RBSN: variants seen among roughly 807,000 people sequenced by gnomAD.
RBSN encodes rabenosyn-5.
A neutral mutation model predicts 60.5 loss-of-function variants in RBSN; 34 were observed. The observed-to-expected ratio is 0.56, with a 90% confidence interval of 0.43 to 0.75. The LOEUF is 0.75. Among genes scored for constraint, RBSN ranks in the 30% least tolerant of loss-of-function variants. The probability of loss-of-function intolerance (pLI) is 0.00; values close to 1 mark genes in which losing one functional copy is unlikely to be tolerated. For missense variants in RBSN, 845 were observed against 986.8 expected (o/e 0.86, Z 1.92); for synonymous variants, 322 against 366.9 (o/e 0.88, Z 1.40).
intron 12 of RBSN, among the ~76,000 whole-genome samples, chr3:15,076,163 A>C (rs1251389951): frequency 6.6e-6 from 1 of 152,152 alleles, no homozygotes; most frequent in Non-Finnish European, 1.5e-5. Context: ...TCACTATAGG[A>C]CATCCAGCAC....
At position 15,084,579 on chromosome 3, in the gene RBSN, T is replaced by C. The variant is rs618141; in HGVS notation, c.598+156A>G. ...CCCTGGCCCCTAGCATAGTACCTAG[T>C]CTGTAGTGGGTTTCACAGAAACAGC... On this transcript the variant is annotated intron_variant, in intron 8 of 13. Coordinates refer to ENST00000253699, the MANE Select transcript of RBSN (RefSeq NM_022340.4). This position sits in a 1 kb window ranked among gnomAD's most constrained non-coding sequence, Gnocchi z 4.2. 1 allele frequency among the ~76,000 whole-genome samples: 151,863 copies of C among 152,352 alleles called. 75,688 individuals carry two copies. The highest frequency in any genetic ancestry group is 1 in the East Asian group (5,194 of 5,194).
At position 15,096,202 on chromosome 3, in the gene RBSN, C is replaced by T. The variant is rs1404241565; in HGVS notation, c.-82G>A. 5 of 1,445,096 alleles carry T rather than the reference C, an allele frequency of 3.5e-6. No homozygotes were observed. The highest frequency in any genetic ancestry group is 2.8e-6 in the Non-Finnish European group (3 of 1,087,266). 89.5% of individuals were successfully genotyped at this position (1,445,096 alleles called of 1,614,324 possible). ...ATTCCTCCCAAGGAACCATGGTTCC[C>T]GCAGCATTAGCTTAAGCAGCACACA... On this transcript the variant is annotated 5_prime_UTR_variant, in exon 4 of 14. Transcript: ENST00000253699.
intron 6 of RBSN, among the ~76,000 whole-genome samples, chr3:15,085,395 G>A (rs749981427): frequency 6.6e-6 from 1 of 152,102 alleles, no homozygotes; most frequent in Non-Finnish European, 1.5e-5. Context: ...ACATATTTCT[G>A]CCTTACAAAG....
rs754689523 is a variant in RBSN at position 15,073,655 on chromosome 3, T to C, written c.*127A>G. 147 of 978,946 alleles carry C rather than the reference T, an allele frequency of 1.5e-4. No homozygotes were observed. Among genetic ancestry groups the C allele is most frequent in the Non-Finnish European group, 2.1e-4 (139 of 670,898 alleles). The allele number at this position is 978,946 out of a possible 1,614,324, so 60.6% of individuals were successfully genotyped here. On this transcript the variant is annotated 3_prime_UTR_variant, in exon 14 of 14. Coordinates refer to ENST00000253699, the MANE Select transcript of RBSN (RefSeq NM_022340.4). ...TGCGCAACACAAAACAGCAGATTCCTGCCCCTCACCTGTGTGCATCTGAGT... is the reference window on the plus strand; with the variant it reads ...TGCGCAACACAAAACAGCAGATTCCCGCCCCTCACCTGTGTGCATCTGAGT...
Position 15,082,507 on chromosome 3 carries a change from T to A in RBSN, c.700A>T (p.Met234Leu). The part of the protein sequence containing the change: ...HGSRRGSISS[M>L]SSVSSVLDEK... ...TCCAGGACCGAGCTGACACTGCTCA[T>A]GCTGCTGATGCTGCCTCGGCGGGAG... The change falls in exon 9 of 14, where the codon ATG (methionine) becomes TTG (leucine). Residue 234 changes from methionine to leucine, a missense_variant. Transcript: ENST00000253699. This position sits in a 1 kb window ranked among gnomAD's most constrained non-coding sequence, Gnocchi z 4.2. 1 of 1,614,186 alleles carries A rather than the reference T, an allele frequency of 6.2e-7. No individual in the cohort carries two copies. Among genetic ancestry groups the A allele is most frequent in the South Asian group, 1.1e-5 (1 of 91,086 alleles).
rs267599646 is a variant in RBSN at position 15,073,908 on chromosome 3, G to A, written c.2229C>T (p.Ile743=). ...PIEEELLLQQ[I]DNIKAYIFDA... The stretch of plus-strand genomic sequence containing the variant: ...CAAAGATGTATGCCTTGATGTTATC[G>A]ATCTGCTGCAGGAGGAGCTCTTCCT... The change falls in exon 14 of 14, where the codon ATC becomes ATT. Residue 743 remains isoleucine, a synonymous_variant. Transcript: ENST00000253699. The A allele has an allele frequency of 6.8e-6, 11 of 1,613,948 alleles. No homozygotes were observed. The highest frequency in any genetic ancestry group is 5.3e-5 in the African/African-American group (4 of 74,874).
At chr3:15,087,070 G>A (rs909177365) in intron 5 of RBSN, among the ~76,000 whole-genome samples, 11 of 152,212 alleles carry the variant, frequency 7.2e-5, no homozygotes, top group African/African-American at 9.6e-5. Flanking sequence ...TATATTCACC[G>A]TGTACAACAT....
chr3:15,090,323 C>T, intron 5 of RBSN, 76 bp downstream of exon 5: 2 of 1,533,752 alleles, frequency 1.3e-6, no homozygotes, highest in South Asian at 1.2e-5. Flanking sequence ...CCTCCTCAGC[C>T]AACTCTTAAA....
rs1683803889 is a variant in RBSN at position 15,084,701 on chromosome 3, T to C, written c.598+34A>G. ...CAAATAAGCTAGGCCCAAAAGAAGA[T>C]GAGGGTCCAGGGCCCCACCTCCAAG... is the stretch of plus-strand genomic sequence containing the variant. On this transcript the variant is annotated intron_variant, in intron 8 of 13. Coordinates refer to ENST00000253699, the MANE Select transcript of RBSN (RefSeq NM_022340.4). The surrounding 1 kb of genome is among the most constrained non-coding windows in gnomAD (Gnocchi z 4.2). The C allele has an allele frequency of 6.5e-7, 1 of 1,539,416 alleles. No individual in the cohort carries two copies. The highest frequency in any genetic ancestry group is 2.3e-5 in the East Asian group (1 of 44,036).
intron 10 of RBSN, among the ~76,000 whole-genome samples, chr3:15,078,896 A>G (rs2043135611): frequency 6.7e-6 from 1 of 148,488 alleles, no homozygotes; most frequent in African/African-American, 2.5e-5. Context: ...TACTACATGC[A>G]TCGCTTTAAA....
In RBSN at chr3:15,083,966, G is replaced by A. The variant is rs569442345; in HGVS notation, c.598+769C>T. ...ATTTATTTGTGAGTTTATATCCCCTGATAGATGCTAGACTCCTTGGAAGAA... is the reference window on the plus strand; with the variant it reads ...ATTTATTTGTGAGTTTATATCCCCTAATAGATGCTAGACTCCTTGGAAGAA... On this transcript the variant is annotated intron_variant, in intron 8 of 13. Coordinates refer to ENST00000253699, the MANE Select transcript of RBSN (RefSeq NM_022340.4). 3.9e-5 allele frequency among the ~76,000 whole-genome samples: 6 copies of A among 152,246 alleles called. No individual in the cohort carries two copies. The South Asian group carries it at 1.2e-3, about 32-fold the overall frequency.
rs139763697 is a variant in RBSN at position 15,088,659 on chromosome 3, C to T, written c.289+1740G>A. Among the ~76,000 whole-genome samples, 110 of 152,210 alleles carry T rather than the reference C, an allele frequency of 7.2e-4. 2 individuals are homozygous for T. In the East Asian group the frequency reaches 0.019, roughly 27 times the overall value. ...CCTCCCAAAGTGCTGGGATTACAGG[C>T]GTGAGCCACTGCGCCCGGCTGTATA... On this transcript the variant is annotated intron_variant, in intron 5 of 13. Transcript: ENST00000253699.
intron 13 of RBSN, chr3:15,075,138 T>C (rs947513571): frequency 6.4e-6 from 4 of 628,752 alleles, no homozygotes; most frequent in Non-Finnish European, 1.1e-5. Context: ...AAATAAAATA[T>C]AATGAATAAG....
chr3:15,075,339 T>C, intron 13 of RBSN: 1 of 641,394 alleles, frequency 1.6e-6, no homozygotes, highest in Non-Finnish European at 2.9e-6. Flanking sequence ...CTGCAACTCC[T>C]GCCATAGGGA....
At chr3:15,079,086 T>C (rs1368495281) in intron 10 of RBSN, among the ~76,000 whole-genome samples, 1 of 152,086 alleles carries the variant, frequency 6.6e-6, no homozygotes, top group Non-Finnish European at 1.5e-5. Context: ...AGCAACGATC[T>C]TAAGCAGGGA....
chr3:15,090,818 A>G (rs959256805), intron 4 of RBSN, among the ~76,000 whole-genome samples: 6 of 152,270 alleles, frequency 3.9e-5, no homozygotes, highest in African/African-American at 1.4e-4. Flanking sequence ...TAAGAGCACA[A>G]TTAAATAAAA....
chr3:15,094,531 C>A (rs2043601377), intron 4 of RBSN, among the ~76,000 whole-genome samples: 1 of 152,208 alleles, frequency 6.6e-6, no homozygotes. Flanking sequence ...CAATCACCTT[C>A]TTGCAGAGTT....
At chr3:15,090,626 G>GA in intron 4 of RBSN, 87 bp from the exon 5 acceptor site, 1 of 1,522,564 alleles carries the variant, frequency 6.6e-7, no homozygotes, top group Non-Finnish European at 8.8e-7. Context: ...AAGAGTTGAC[G>GA]AAATAATTAT....
Position 15,074,648 on chromosome 3 carries a change from C to T in RBSN, c.1489G>A (p.Asp497Asn), listed in dbSNP as rs766156281. 7 of 1,614,134 alleles carry T rather than the reference C, an allele frequency of 4.3e-6. No individual in the cohort carries two copies. Among genetic ancestry groups the T allele is most frequent in the African/African-American group, 1.3e-5 (1 of 74,950 alleles). ...ENLRQLQDEY[D>N]QQQTEKAIEL... ...ATGGCCTTCTCTGTCTGCTGCTGGT[C>T]ATACTCGTCCTGCAGCTGCCGCAGG... The change falls in exon 14 of 14, where the codon GAC becomes AAC. Residue 497 changes from aspartate to asparagine, a missense_variant. Physicochemically the swap from Asp to Asn is conservative, Grantham distance 23 (BLOSUM62 1). Coordinates refer to ENST00000253699, the MANE Select transcript of RBSN (RefSeq NM_022340.4). The surrounding 1 kb of genome is among the most constrained non-coding windows in gnomAD (Gnocchi z 6.4).
Sources: allele counts gnomAD v4.1 joint callset (sites outside exome capture counted in the v4.1 genomes callset), GRCh38; gene constraint gnomAD v4.1.1; non-coding constraint Gnocchi (gnomAD v3.1); transcripts MANE v1.5; gene names NCBI Gene and HGNC (gene_info 2026-07-23, HGNC 2026-07-21).